The following MED13L variants were observed in gnomAD, a reference collection of about 807,000 sequenced individuals.
The protein encoded by MED13L is mediator complex subunit 13L.
In MED13L, 7 loss-of-function variants were observed where a neutral mutation model predicts 220.9. The ratio of observed to expected loss-of-function variants is 0.03; its 90% CI spans 0.02 to 0.06. The LOEUF (loss-of-function observed/expected upper bound fraction) is 0.06. Ranked by LOEUF, MED13L falls within the 10% of genes least tolerant of loss-of-function variation. The pLI is 1.00. For synonymous variants in MED13L, 1,011 were observed against 1,015.2 expected, an observed-to-expected ratio of 1.00 and a Z score of 0.08; for missense variants, 1,965 against 2,760.5, an observed-to-expected ratio of 0.71 and a Z score of 6.46.
intron 4 of MED13L, among the ~76,000 whole-genome samples, chr12:116,031,469 G>A (rs1377720790): frequency 1.3e-5 from 2 of 151,168 alleles, no homozygotes; most frequent in East Asian, 1.9e-4. Context: ...GCGGGCGCCT[G>A]TGGTCCCAGC....
In MED13L at chr12:116,111,350, G is replaced by T. The variant is rs1874061215; in HGVS notation, c.395+78C>A. On this transcript the variant is annotated intron_variant, in intron 3 of 30. Coordinates refer to ENST00000281928, the MANE Select transcript of MED13L (RefSeq NM_015335.5). Reference sequence around the variant, plus strand: ...AAATCATTGCAAGTGAAAAGTTTTTGAAAATTACAGGAAACTCTCGGTATC... The same window carrying T: ...AAATCATTGCAAGTGAAAAGTTTTTTAAAATTACAGGAAACTCTCGGTATC... The T allele has an allele frequency of 4.2e-6, 5 of 1,199,288 alleles. No individual in the cohort carries two copies. The Admixed American group carries it at 8.6e-5, about 21-fold the overall frequency. 74.3% of individuals were successfully genotyped at this position (1,199,288 alleles called of 1,614,324 possible). A position where few individuals can be genotyped will look rare whatever the true frequency, so the allele number is the denominator to read the frequency against.
chr12:116,054,975 C>A (rs1251231613), intron 4 of MED13L, among the ~76,000 whole-genome samples: 2 of 152,014 alleles, frequency 1.3e-5, no homozygotes, highest in Non-Finnish European at 2.9e-5. Flanking sequence ...TATTAACATG[C>A]AAGGGATTAA....
chr12:116,249,507 A>C (rs1257805331), intron 1 of MED13L, among the ~76,000 whole-genome samples: 1 of 152,188 alleles, frequency 6.6e-6, no homozygotes, highest in Non-Finnish European at 1.5e-5. Flanking sequence ...TGACTGTAAG[A>C]AAAGTCACTT....
intron 2 of MED13L, among the ~76,000 whole-genome samples, chr12:116,200,743 C>T (rs942368079): frequency 2.6e-5 from 4 of 152,044 alleles, no homozygotes; most frequent in Non-Finnish European, 5.9e-5. Context: ...ATATTTTAAT[C>T]AATAAATTTG....
intron 2 of MED13L, among the ~76,000 whole-genome samples, chr12:116,190,035 G>A (rs964966110): frequency 6.6e-6 from 1 of 152,014 alleles, no homozygotes; most frequent in African/African-American, 2.4e-5. Context: ...TGATCTGTAT[G>A]TCTTTTATTT....
At chr12:116,067,133 T>C (rs1870003390) in intron 4 of MED13L, among the ~76,000 whole-genome samples, 1 of 152,138 alleles carries the variant, frequency 6.6e-6, no homozygotes, top group Non-Finnish European at 1.5e-5. Context: ...AGCTATAAGA[T>C]AGAGAATTAT....
intron 14 of MED13L, among the ~76,000 whole-genome samples, chr12:116,001,514 G>T (rs889444159): frequency 1.3e-5 from 2 of 152,132 alleles, no homozygotes; most frequent in Admixed American, 6.6e-5. Flanking sequence ...TCTTCCCACT[G>T]CAATGCCCAA....
intron 2 of MED13L, among the ~76,000 whole-genome samples, chr12:116,143,483 C>G (rs1877254209): frequency 6.6e-6 from 1 of 152,256 alleles, no homozygotes; most frequent in African/African-American, 2.4e-5. Context: ...TGTAAGTCAA[C>G]GATTTGGAAT....
Position 116,277,050 on chromosome 12 carries a change from G to A in MED13L, c.72+10C>T, listed in dbSNP as rs779448093. 27 of 1,020,344 alleles carry A rather than the reference G, an allele frequency of 2.6e-5. No individual in the cohort carries two copies. In the East Asian group the frequency reaches 4.4e-4, roughly 17 times the overall value. 63.2% of individuals were successfully genotyped at this position (1,020,344 alleles called of 1,614,324 possible). A position where few individuals can be genotyped will look rare whatever the true frequency, so the allele number is the denominator to read the frequency against. On this transcript the variant is annotated intron_variant, in intron 1 of 30. Coordinates refer to ENST00000281928, the MANE Select transcript of MED13L (RefSeq NM_015335.5). ...CGGCACAGCCCCCTCCCCGCAGCCC[G>A]GCTACTCACCAGCGAAAAGAGGTTG...
At chr12:116,247,340 T>G (rs189637989) in intron 1 of MED13L, among the ~76,000 whole-genome samples, 10 of 152,338 alleles carry the variant, frequency 6.6e-5, no homozygotes, top group Admixed American at 6.5e-4. Context: ...AGACTTATTC[T>G]AGACAAATTC....
intron 4 of MED13L, among the ~76,000 whole-genome samples, chr12:116,068,786 A>G (rs1047270141): frequency 1.3e-4 from 19 of 142,036 alleles, no homozygotes; most frequent in Admixed American, 2.3e-4. Context: ...CTAACCTGTA[A>G]TAATACCTGT....
intron 4 of MED13L, among the ~76,000 whole-genome samples, chr12:116,053,579 C>T (rs894218360): frequency 6.6e-6 from 1 of 152,116 alleles, no homozygotes; most frequent in Admixed American, 6.6e-5. Context: ...ATCCTTAATT[C>T]TCACAACAAC....
intron 17 of MED13L, among the ~76,000 whole-genome samples, chr12:115,987,610 A>AT (rs1324879380): frequency 6.6e-6 from 1 of 152,250 alleles, no homozygotes; most frequent in Non-Finnish European, 1.5e-5. Context: ...AAGGATTTTC[A>AT]TAAGACAGCT....
intron 3 of MED13L, among the ~76,000 whole-genome samples, chr12:116,109,180 C>T (rs542893515): frequency 3.9e-4 from 58 of 148,978 alleles, no homozygotes; most frequent in Admixed American, 2.0e-3. Flanking sequence ...AAGCAATCTT[C>T]CCACCTCAAC....
chr12:116,050,693 T>A (rs1002777890), intron 4 of MED13L, among the ~76,000 whole-genome samples: 1 of 152,128 alleles, frequency 6.6e-6, no homozygotes, highest in East Asian at 1.9e-4. Flanking sequence ...TCCCAGCACT[T>A]TGGGAGGCCA....
In MED13L at chr12:116,007,640, AAAGAC is replaced by A. The variant is rs781378146; in HGVS notation, c.2013-9_2013-5del. 2 of 1,564,778 alleles carry A rather than the reference AAAGAC, an allele frequency of 1.3e-6. No individual in the cohort carries two copies. Among genetic ancestry groups the A allele is most frequent in the Admixed American group, 1.8e-5 (1 of 55,916 alleles). ...TTTGTTAGGTTGTGCTAAGAGTCTA[AAAGAC>A]AAAAAAAAAAAAAAAAAAAAGAGCA... On this transcript the variant is annotated splice_polypyrimidine_tract_variant and splice_region_variant and intron_variant, in intron 10 of 30. Transcript: ENST00000281928.
intron 9 of MED13L, among the ~76,000 whole-genome samples, chr12:116,011,121 G>A (rs1482445069): frequency 1.3e-5 from 2 of 151,798 alleles, no homozygotes; most frequent in Non-Finnish European, 2.9e-5. Flanking sequence ...TCTTGACCTC[G>A]TGATCTGCCT....
chr12:116,061,536 G>C (rs898895147), intron 4 of MED13L, among the ~76,000 whole-genome samples: 1 of 151,992 alleles, frequency 6.6e-6, no homozygotes, highest in Non-Finnish European at 1.5e-5. Flanking sequence ...CATAAAATAA[G>C]ATAAAATAAG....
intron 4 of MED13L, among the ~76,000 whole-genome samples, chr12:116,089,831 T>C (rs1210500450): frequency 6.6e-6 from 1 of 152,192 alleles, no homozygotes; most frequent in Non-Finnish European, 1.5e-5. Flanking sequence ...GAAAAAAGAA[T>C]GGAAACAACC....
Sources: gnomAD v4.1 joint callset for allele counts (sites outside exome capture counted in the v4.1 genomes callset) on GRCh38, gnomAD v4.1.1 for gene constraint, MANE v1.5 for transcripts, NCBI Gene and HGNC (gene_info 2026-07-23, HGNC 2026-07-21) for gene names.